N4BP2: variants seen among roughly 807,000 people sequenced by gnomAD.
N4BP2 encodes the protein NEDD4-binding protein 2.
A neutral mutation model predicts 152.8 loss-of-function variants in N4BP2; 91 were observed. That is an observed-to-expected ratio of 0.60 (90% CI 0.50 to 0.71). The LOEUF is 0.71. Among genes scored for constraint, N4BP2 ranks in the 30% least tolerant of loss-of-function variants. The pLI is 0.00. For missense variants in N4BP2, 1,923 were observed against 2,059.1 expected, an observed-to-expected ratio of 0.93 and a Z score of 1.28; for synonymous variants, 646 against 705.3, an observed-to-expected ratio of 0.92 and a Z score of 1.33.
In N4BP2 at chr4:40,103,231, A is replaced by G; in HGVS notation, c.1373+13A>G. On this transcript the variant is annotated intron_variant, in intron 4 of 17. Coordinates refer to ENST00000261435, the MANE Select transcript of N4BP2 (RefSeq NM_018177.6). Reference sequence around the variant, plus strand: ...CTTTTTTGGCAAGGTATGAGGTTTGATTGGGTTTTTAAAAAATAGTATAAT... The same window carrying G: ...CTTTTTTGGCAAGGTATGAGGTTTGGTTGGGTTTTTAAAAAATAGTATAAT... 1 of 1,573,314 alleles carries G rather than the reference A, an allele frequency of 6.4e-7. No individual in the cohort carries two copies. The highest frequency in any genetic ancestry group is 8.6e-7 in the Non-Finnish European group (1 of 1,164,266).
chr4:40,118,531 C>G (rs1717563940), intron 8 of N4BP2, among the ~76,000 whole-genome samples: 1 of 152,118 alleles, frequency 6.6e-6, no homozygotes, highest in Non-Finnish European at 1.5e-5. Context: ...AAGAGAAGTA[C>G]AAGTTCATAT....
At chr4:40,075,429 C>T (rs1172077768) in intron 2 of N4BP2, among the ~76,000 whole-genome samples, 1 of 152,170 alleles carries the variant, frequency 6.6e-6, no homozygotes, top group Non-Finnish European at 1.5e-5. Context: ...GATGGAGTCT[C>T]ACTCTGTCGC....
intron 12 of N4BP2, among the ~76,000 whole-genome samples, chr4:40,128,900 T>C (rs1718661523): frequency 6.6e-6 from 1 of 152,176 alleles, no homozygotes; most frequent in African/African-American, 2.4e-5. Context: ...TGTGATACTT[T>C]CTATTGAAAT....
intron 17 of N4BP2, among the ~76,000 whole-genome samples, chr4:40,153,282 T>A (rs1463859890): frequency 6.6e-6 from 1 of 152,228 alleles, no homozygotes; most frequent in Admixed American, 6.5e-5. Context: ...TTAGGTAATA[T>A]GTATCATACT....
chr4:40,085,217 T>C (rs539913067), intron 2 of N4BP2, among the ~76,000 whole-genome samples: 2 of 151,978 alleles, frequency 1.3e-5, no homozygotes, highest in Admixed American at 6.6e-5. Context: ...GGCCAATTTA[T>C]ATTTTTAGTA....
At chr4:40,064,134 A>C (rs1733860327) in intron 1 of N4BP2, among the ~76,000 whole-genome samples, 1 of 152,040 alleles carries the variant, frequency 6.6e-6, no homozygotes, top group African/African-American at 2.4e-5. Context: ...CTGATTATGA[A>C]TTTATTTTCA....
chr4:40,184,000 G>A, the N4BP2 span, among the ~76,000 whole-genome samples: 2 of 152,196 alleles, frequency 1.3e-5, no homozygotes, highest in African/African-American at 2.4e-5. Flanking sequence ...CGAACATTTC[G>A]TTGATGAGGA....
chr4:40,188,702 G>A, the N4BP2 span, among the ~76,000 whole-genome samples: 31,984 of 143,528 alleles, frequency 0.22, 3,702 homozygotes, highest in Middle Eastern at 0.32. Context: ...CTGAGATGGC[G>A]CCAGTGCACT....
chr4:40,186,713 A>C, the N4BP2 span, among the ~76,000 whole-genome samples: 1 of 152,138 alleles, frequency 6.6e-6, no homozygotes, highest in Non-Finnish European at 1.5e-5. Flanking sequence ...AGATTTTTTG[A>C]TTTGCAGTGA....
chr4:40,151,200 G>A (rs1005250742), intron 16 of N4BP2, among the ~76,000 whole-genome samples: 2 of 152,318 alleles, frequency 1.3e-5, no homozygotes, highest in Middle Eastern at 3.4e-3. Context: ...ATAAATGACT[G>A]ACCTAAGTGA....
chr4:40,126,459 A>C (rs1319789613), intron 12 of N4BP2, 129 bp downstream of exon 12: 6 of 504,124 alleles, frequency 1.2e-5, no homozygotes, highest in Non-Finnish European at 2.1e-5. Context: ...TTAATGTTAA[A>C]ATTGAAAAAT....
chr4:40,108,009 C>T lies in N4BP2; in HGVS notation c.1498+985C>T, dbSNP rs186325499. On this transcript the variant is annotated intron_variant, in intron 5 of 17. Coordinates refer to ENST00000261435, the MANE Select transcript of N4BP2 (RefSeq NM_018177.6). ...TGTGATCTCGGCTCACTGCAACCTC[C>T]GCCTCCCACGTTCAAGGGATTCTCA... 4.8e-3 allele frequency among the ~76,000 whole-genome samples: 711 copies of T among 148,056 alleles called. 5 individuals are homozygous for T. Among genetic ancestry groups the T allele is most frequent in the Non-Finnish European group, 4.9e-3 (326 of 66,562 alleles).
the N4BP2 span, chr4:40,167,347 GC>G: frequency 6.6e-6 from 1 of 152,116 alleles, no homozygotes; most frequent in Non-Finnish European, 1.5e-5. Flanking sequence ...TAAATTCTAG[GC>G]AGGATTGATG....
At chr4:40,067,656 C>T (rs984235701) in intron 1 of N4BP2, among the ~76,000 whole-genome samples, 1 of 152,044 alleles carries the variant, frequency 6.6e-6, no homozygotes, top group Admixed American at 6.6e-5. Context: ...CAGTAGTACA[C>T]AAGGGTTCCA....
At chr4:40,141,084 C>T (rs924487166) in intron 14 of N4BP2, among the ~76,000 whole-genome samples, 13 of 152,020 alleles carry the variant, frequency 8.6e-5, no homozygotes, top group African/African-American at 2.9e-4. Flanking sequence ...CATCATGGCC[C>T]GTTCTCAATG....
the N4BP2 span, among the ~76,000 whole-genome samples, chr4:40,182,575 A>G: frequency 6.6e-6 from 1 of 151,176 alleles, no homozygotes; most frequent in Non-Finnish European, 1.5e-5. Context: ...CTCAGTGCCC[A>G]AGAAGCTGAG....
At chr4:40,160,191 C>T (rs777746612), downstream of N4BP2, among the ~76,000 whole-genome samples, 9 of 152,290 alleles carry the variant, frequency 5.9e-5, no homozygotes, top group Non-Finnish European at 1.2e-4. Context: ...AACTAAATGA[C>T]ACGGACTAGC....
chr4:40,165,954 G>GA, the N4BP2 span, among the ~76,000 whole-genome samples: 2 of 151,900 alleles, frequency 1.3e-5, no homozygotes, highest in Non-Finnish European at 2.9e-5. Flanking sequence ...ACCACTGCTG[G>GA]GCCTTATCTA....
At position 40,121,391 on chromosome 4, in the gene N4BP2, A is replaced by G. The variant is rs1717894845; in HGVS notation, c.3280A>G (p.Ile1094Val). The G allele has an allele frequency of 2.5e-6, 4 of 1,612,430 alleles. No homozygotes were observed. The highest frequency in any genetic ancestry group is 3.4e-6 in the Non-Finnish European group (4 of 1,179,624). ...TGCAGATGAATCTGAAAATCTTAAC[A>G]TTCTTTGTAAACTGTTTGGATCCTT... The part of the protein sequence containing the change: ...TSADESENLN[I>V]LCKLFGSFSL... Residue 1094 changes from isoleucine to valine, a missense_variant, in exon 9 of 18, where the codon ATT becomes GTT. Coordinates refer to ENST00000261435, the MANE Select transcript of N4BP2 (RefSeq NM_018177.6).
Sources: allele counts gnomAD v4.1 joint callset (sites outside exome capture counted in the v4.1 genomes callset), GRCh38; gene constraint gnomAD v4.1.1; transcripts MANE v1.5; gene names NCBI Gene and HGNC (gene_info 2026-07-23, HGNC 2026-07-21).